NLRP13: variants seen among roughly 807,000 people sequenced by gnomAD.
The protein encoded by NLRP13 is NLR family pyrin domain containing 13.
Under a neutral mutation model 94.4 loss-of-function variants are expected in NLRP13, and 82 were observed. The ratio of observed to expected loss-of-function variants is 0.87; its 90% CI spans 0.73 to 1.04. NLRP13 has a LOEUF of 1.04. NLRP13 is among the 50% of genes least tolerant of loss of function. NLRP13 has a pLI of 0.00. For missense variants in NLRP13, 1,426 were observed against 1,230.8 expected (o/e 1.16, Z -2.37); for synonymous variants, 553 against 464.7 (o/e 1.19, Z -2.45).
intron 4 of NLRP13, among the ~76,000 whole-genome samples, chr19:55,918,840 A>G (rs79148931): frequency 0.12 from 18,027 of 152,098 alleles, 1,381 homozygotes; most frequent in East Asian, 0.22. Context: ...GCAGAAAAAG[A>G]TGTTGGAGAG....
downstream of NLRP13, among the ~76,000 whole-genome samples, chr19:55,895,752 C>T (rs1418660716): frequency 6.6e-6 from 1 of 152,136 alleles, no homozygotes; most frequent in Non-Finnish European, 1.5e-5. Flanking sequence ...TTCAAGTGCC[C>T]AATGATGAGA....
chr19:55,901,517 C>T (rs999970187), intron 9 of NLRP13, among the ~76,000 whole-genome samples: 20 of 152,104 alleles, frequency 1.3e-4, no homozygotes, highest in African/African-American at 4.6e-4. Flanking sequence ...ACTGATAAGC[C>T]ACTGGTGCTG....
At position 55,913,289 on chromosome 19, in the gene NLRP13, G is replaced by C; in HGVS notation, c.528C>G (p.His176Gln). 1 of 1,612,878 alleles carries C rather than the reference G, an allele frequency of 6.2e-7. No individual in the cohort carries two copies. Among genetic ancestry groups the C allele is most frequent in the Non-Finnish European group, 8.5e-7 (1 of 1,179,298 alleles). Reference sequence around the variant, plus strand: ...TCATGTTCTCTCTGTATTTTCTTCTGTGGTCTAGAGAGGGCGGAGTGGGGA... The same window carrying C: ...TCATGTTCTCTCTGTATTTTCTTCTCTGGTCTAGAGAGGGCGGAGTGGGGA... ...EEPEMLEEAD[H>Q]RRKYRENMKA... The change falls in exon 5 of 11, where the codon CAC becomes CAG. Residue 176 changes from histidine to glutamine, a missense_variant. Coordinates refer to ENST00000342929, the MANE Select transcript of NLRP13 (RefSeq NM_176810.2).
chr19:55,892,149 G>T, downstream of NLRP13: 1 of 1,231,188 alleles, frequency 8.1e-7, no homozygotes, highest in Non-Finnish European at 1.0e-6. Flanking sequence ...CTGAAGTTTA[G>T]AAGCAGTGAA....
Position 55,912,457 on chromosome 19 carries a change from T to G in NLRP13, c.1360A>C (p.Ser454Arg), listed in dbSNP as rs765267242. ...TTGGAGAAAAAATAGGCATACAGAC[T>G]GGTGGTAGTCTGAGTGATTGACTGG... The part of the protein sequence containing the change: ...DLQSITQTTT[S>R]LYAYFFSNLF... Residue 454 changes from serine (S) to arginine (R), a missense_variant, in exon 5 of 11, where the codon AGT becomes CGT. Transcript: ENST00000342929. The G allele has an allele frequency of 2.5e-6, 4 of 1,614,060 alleles. No individual in the cohort carries two copies. The highest frequency in any genetic ancestry group is 1.7e-5 in the Admixed American group (1 of 59,994).
In NLRP13 at chr19:55,898,923, G is replaced by A. The variant is rs369393061; in HGVS notation, c.2804C>T (p.Ser935Phe). 6.2e-7 allele frequency: 1 copy of A among 1,605,402 alleles called. No individual in the cohort carries two copies. The change falls in exon 10 of 11, where the codon TCT (serine) becomes TTT (phenylalanine). Residue 935 changes from serine (S) to phenylalanine (F), a missense_variant. Transcript: ENST00000342929. ...CTCTCCACAGCCCTCTCTTGTGAAA[G>A]AACAACCTGACAAACTGCAAAATAA... Reference protein sequence around the residue: ...NLQSLNLSGCSFTREGCGELA... With the variant: ...NLQSLNLSGCFFTREGCGELA...
chr19:55,924,945 C>T, intron 2 of NLRP13, 22 bp downstream of exon 2: 1 of 1,604,006 alleles, frequency 6.2e-7, no homozygotes, highest in Non-Finnish European at 8.5e-7. Flanking sequence ...TGTCCATTAT[C>T]AACTTAAAGT....
chr19:55,914,982 A>T (rs1000527025), intron 4 of NLRP13, among the ~76,000 whole-genome samples: 1 of 152,204 alleles, frequency 6.6e-6, no homozygotes, highest in African/African-American at 2.4e-5. Context: ...TTATATGTAG[A>T]ATCTAAAAAA....
chr19:55,927,813 C>T (rs1987006678), intron 1 of NLRP13, among the ~76,000 whole-genome samples: 1 of 152,288 alleles, frequency 6.6e-6, no homozygotes, highest in Non-Finnish European at 1.5e-5. Context: ...GTAAAAATCA[C>T]TTGTCCAAGG....
downstream of NLRP13, among the ~76,000 whole-genome samples, chr19:55,895,240 G>A (rs1200322313): frequency 1.3e-5 from 2 of 151,318 alleles, no homozygotes; most frequent in Non-Finnish European, 2.9e-5. Flanking sequence ...AAATTAGCCA[G>A]GCGTAGTGGC....
rs781641349 is a variant in NLRP13, at chr19:55,907,892, T to G, written c.2347A>C (p.Lys783Gln). 6.2e-7 allele frequency: 1 copy of G among 1,613,466 alleles called. No individual in the cohort carries two copies. Among genetic ancestry groups the G allele is most frequent in the Non-Finnish European group, 8.5e-7 (1 of 1,179,746 alleles). Residue 783 changes from lysine to glutamine, a missense_variant, in exon 7 of 11, where the codon AAG becomes CAG. Physicochemically the swap from Lys to Gln is moderately conservative, Grantham distance 53. Coordinates refer to ENST00000342929, the MANE Select transcript of NLRP13 (RefSeq NM_176810.2). ...DLIIALQGNS[K>Q]LTHLNFSSNK... ...GAGCTGAAGTTCAGATGGGTCAGCT[T>G]GCTGTTACCCTGAAGGGCAATAATG... is the stretch of plus-strand genomic sequence containing the variant.
At chr19:55,892,715 C>T (rs138961839), downstream of NLRP13, among the ~76,000 whole-genome samples, 20 of 152,346 alleles carry the variant, frequency 1.3e-4, no homozygotes, top group African/African-American at 4.8e-4. Flanking sequence ...GCCACCATGC[C>T]TGGCCTACTG....
At chr19:55,929,878 T>C (rs1351038821) in intron 1 of NLRP13, among the ~76,000 whole-genome samples, 1 of 146,348 alleles carries the variant, frequency 6.8e-6, no homozygotes, top group Non-Finnish European at 1.5e-5. Flanking sequence ...GTTGGTTCTT[T>C]GAAAAAAAAG....
chr19:55,903,833 T>C (rs1356972815), intron 8 of NLRP13, among the ~76,000 whole-genome samples: 2 of 152,274 alleles, frequency 1.3e-5, no homozygotes, highest in East Asian at 3.9e-4. Flanking sequence ...TCCTGGTCAA[T>C]AGGAGCCCTA....
chr19:55,904,997 T>G lies in NLRP13; in HGVS notation c.2563A>C (p.Ile855Leu). The part of the protein sequence containing the change: ...LGFNRLQDDG[I>L]KLLCAALTHP... ...GTCAGGGCCGCACACAATAGCTTTA[T>G]GCCATCATCTTGGAGCCGATTAAAT... Residue 855 changes from isoleucine to leucine, a missense_variant, in exon 8 of 11, where the codon ATA becomes CTA. By Grantham distance (5) the Ile-to-Leu change is conservative. Coordinates refer to ENST00000342929, the MANE Select transcript of NLRP13 (RefSeq NM_176810.2). The G allele has an allele frequency of 6.2e-7, 1 of 1,614,060 alleles. No individual in the cohort carries two copies. Among genetic ancestry groups the G allele is most frequent in the Non-Finnish European group, 8.5e-7 (1 of 1,180,010 alleles).
chr19:55,925,671 A>G (rs1986950041), intron 1 of NLRP13, among the ~76,000 whole-genome samples: 1 of 152,014 alleles, frequency 6.6e-6, no homozygotes. Context: ...GAGCTAGAAG[A>G]CCTCTTCTAT....
rs1450663814 is a variant in NLRP13 at position 55,895,999 on chromosome 19, C to G, written c.3078G>C (p.Lys1026Asn). 6.2e-7 allele frequency: 1 copy of G among 1,614,200 alleles called. No homozygotes were observed. The highest frequency in any genetic ancestry group is 1.7e-5 in the Admixed American group (1 of 60,026). Residue 1026 changes from lysine to asparagine, a missense_variant, in exon 11 of 11, where the codon AAG (lysine) becomes AAC (asparagine). Transcript: ENST00000342929. ...LGNELDTDGV[K>N]MLCKALKKST... Reference sequence around the variant, plus strand: ...ACTTTTTCAAAGCCTTACATAGCATCTTGACACCATCAGTATCCAATTCAT... The same window carrying G: ...ACTTTTTCAAAGCCTTACATAGCATGTTGACACCATCAGTATCCAATTCAT...
At chr19:55,901,984 T>A in intron 9 of NLRP13, 51 bp downstream of exon 9, 1 of 1,591,958 alleles carries the variant, frequency 6.3e-7, no homozygotes, top group Non-Finnish European at 8.6e-7. Flanking sequence ...GTGGGTCAAT[T>A]CCCATGGCTC....
intron 4 of NLRP13, among the ~76,000 whole-genome samples, chr19:55,919,954 A>G (rs772430257): frequency 1.3e-5 from 2 of 152,168 alleles, no homozygotes; most frequent in Non-Finnish European, 2.9e-5. Flanking sequence ...ATAGTAAACA[A>G]AACAGCATGG....
Sources: gnomAD v4.1 joint callset for allele counts (sites outside exome capture counted in the v4.1 genomes callset) on GRCh38, gnomAD v4.1.1 for gene constraint, MANE v1.5 for transcripts, NCBI Gene and HGNC (gene_info 2026-07-23, HGNC 2026-07-21) for gene names.